AGXT: variants seen among roughly 807,000 people sequenced by gnomAD.
AGXT encodes the protein alanine--glyoxylate aminotransferase, also known as L-alanine: glyoxylate aminotransferase 1.
In AGXT, 41 loss-of-function variants were observed where a neutral mutation model predicts 46.9. The ratio of observed to expected loss-of-function variants is 0.88; its 90% CI spans 0.68 to 1.14. AGXT has a LOEUF of 1.14. Ranked by LOEUF, AGXT falls within the 50% of genes most tolerant of loss-of-function variation. The pLI is 0.00. For missense variants in AGXT, 525 were observed against 522.7 expected, an observed-to-expected ratio of 1.00 and a Z score of -0.04; for synonymous variants, 244 against 227.9, an observed-to-expected ratio of 1.07 and a Z score of -0.64.
intron 4 of AGXT, among the ~76,000 whole-genome samples, chr2:240,872,328 A>T (rs1475519378): frequency 5.4e-3 from 251 of 46,694 alleles, no homozygotes; most frequent in African/African-American, 8.6e-3. Flanking sequence ...AACATGGAGG[A>T]GGAGGAGGGT....
At position 240,870,670 on chromosome 2, in the gene AGXT, G is replaced by C. The variant is rs180177212; in HGVS notation, c.385G>C (p.Asp129His). ...AGCCCGAGTGCACCCGATGACCAAG[G>C]ACCCTGGAGGCCACTACACACTGCA... ...IGARVHPMTK[D>H]PGGHYTLQEV... Residue 129 changes from aspartate (D) to histidine (H), a missense_variant, in exon 3 of 11, where the codon GAC becomes CAC. Asp to His is a moderately conservative substitution (Grantham distance 81). Coordinates refer to ENST00000307503, the MANE Select transcript of AGXT (RefSeq NM_000030.3). 171 of 1,555,546 alleles carry C rather than the reference G, an allele frequency of 1.1e-4. No homozygotes were observed. The highest frequency in any genetic ancestry group is 1.4e-4 in the Non-Finnish European group (161 of 1,149,454).
intron 8 of AGXT, chr2:240,876,989 C>T (rs941276751): frequency 1.2e-5 from 3 of 244,268 alleles, no homozygotes; most frequent in Admixed American, 9.5e-5. Context: ...GCTGCTGCTC[C>T]GGGGACCCAC....
At position 240,879,958 on chromosome 2, in the gene AGXT, C is replaced by T. The variant is rs776520945; in HGVS notation, c.*1137C>T. 1.3e-5 allele frequency: 2 copies of T among 151,510 alleles called. No individual in the cohort carries two copies. The highest frequency in any genetic ancestry group is 1.9e-4 in the East Asian group (1 of 5,178). 9.4% of individuals were successfully genotyped at this position (151,510 alleles called of 1,614,324 possible). A position where few individuals can be genotyped will look rare whatever the true frequency, so the allele number is the denominator to read the frequency against. ...GCCGTCCCGTCATATGGACGTGCGT[C>T]GTGGGCGCCGGTGTGTCTTGTTGCT... On this transcript the variant is annotated 3_prime_UTR_variant, in exon 11 of 11. Transcript: ENST00000307503.
intron 9 of AGXT, 121 bp from the exon 10 acceptor site, chr2:240,877,901 G>C (rs896284890): frequency 2.1e-6 from 3 of 1,410,890 alleles, no homozygotes; most frequent in African/African-American, 2.8e-5. Context: ...GCTCTCTCCC[G>C]GCCCTTTCTC....
At chr2:240,878,607 G>A (rs2106432325) in intron 10 of AGXT, 107 bp from the exon 11 acceptor site, 1 of 1,037,866 alleles carries the variant, frequency 9.6e-7, no homozygotes, top group African/African-American at 1.6e-5. Context: ...GACGCTGGGT[G>A]GGTGGTCCTC....
intron 2 of AGXT, 110 bp from the exon 3 acceptor site, chr2:240,870,534 T>C: frequency 1.6e-6 from 2 of 1,286,798 alleles, no homozygotes; most frequent in Non-Finnish European, 2.2e-6. Flanking sequence ...GGTGCCACGG[T>C]GGGTGGGGTC....
intron 2 of AGXT, among the ~76,000 whole-genome samples, chr2:240,870,030 G>A (rs1158586686): frequency 6.6e-6 from 1 of 152,198 alleles, no homozygotes; most frequent in Non-Finnish European, 1.5e-5. Context: ...AGGACCCCAA[G>A]TGGACATCAG....
intron 8 of AGXT, chr2:240,877,082 A>G: frequency 3.2e-6 from 1 of 316,382 alleles, no homozygotes; most frequent in Non-Finnish European, 6.4e-6. Flanking sequence ...CCAGGGCTGG[A>G]GAGACCACCC....
At position 240,878,815 on chromosome 2, in the gene AGXT, GCTGTGAC is replaced by G; in HGVS notation, c.1177_*4del. On this transcript the variant is annotated stop_lost and 3_prime_UTR_variant, in exon 11 of 11. Transcript: ENST00000307503. ...CCCTGCAGCACTGCCCCAAGAAGAA[GCTGTGAC>G]CTGCCCACTGGCACACAGCTGGCAC... The G allele has an allele frequency of 6.3e-7, 1 of 1,589,584 alleles. No individual in the cohort carries two copies. Among genetic ancestry groups the G allele is most frequent in the Non-Finnish European group, 8.5e-7 (1 of 1,171,000 alleles).
At chr2:240,869,503 CA>C (rs1331018537) in intron 2 of AGXT, 141 bp downstream of exon 2, 2 of 1,006,974 alleles carry the variant, frequency 2.0e-6, no homozygotes, top group African/African-American at 3.3e-5. Context: ...AACCTCCTGC[CA>C]GCCCACTGCC....
In AGXT at chr2:240,868,977, A is replaced by G; in HGVS notation, c.112A>G (p.Met38Val). ...TCCTTCCAACCTGCCTCCTCGCATC[A>G]TGGCAGCCGGGGGGCTGCAGATGAT... The part of the protein sequence containing the change: ...PGPSNLPPRI[M>V]AAGGLQMIGS... The change falls in exon 1 of 11, where the codon ATG becomes GTG. Residue 38 changes from methionine (M) to valine (V), a missense_variant. By Grantham distance (21) the Met-to-Val change is conservative (BLOSUM62 1). Transcript: ENST00000307503. The G allele has an allele frequency of 1.3e-6, 2 of 1,562,192 alleles. No homozygotes were observed.
Position 240,872,190 on chromosome 2 carries a change from G to A in AGXT, c.524+741G>A, listed in dbSNP as rs566788097. Among the ~76,000 whole-genome samples, 15 of 151,798 alleles carry A rather than the reference G, an allele frequency of 9.9e-5. No individual in the cohort carries two copies. In the East Asian group the frequency reaches 1.4e-3, roughly 14 times the overall value. ...TGGAGGCGGAGGAGGGTGAGAGTTC[G>A]TGAACATGCAGGCGGAGGAGGGTGA... On this transcript the variant is annotated intron_variant, in intron 4 of 10. Coordinates refer to ENST00000307503, the MANE Select transcript of AGXT (RefSeq NM_000030.3).
Position 240,878,897 on chromosome 2 carries a change from C to T in AGXT, c.*76C>T. ...CCCTGAGGGATCAGGAGCAAACAGA[C>T]CCTGCAAGGTCCTCCAGGCCTGGGG... is the stretch of plus-strand genomic sequence containing the variant. On this transcript the variant is annotated 3_prime_UTR_variant, in exon 11 of 11. Transcript: ENST00000307503. 2 of 1,409,160 alleles carry T rather than the reference C, an allele frequency of 1.4e-6. No homozygotes were observed. The highest frequency in any genetic ancestry group is 9.7e-7 in the Non-Finnish European group (1 of 1,026,110). 87.3% of individuals were successfully genotyped at this position (1,409,160 alleles called of 1,614,324 possible).
Position 240,878,858 on chromosome 2 carries a change from C to CT in AGXT, c.*38dup, listed in dbSNP as rs763302725. ...GCACACAGCTGGCACTGGCACACAC[C>CT]TGTCCCATGCCCACCCTGAGGGATC... On this transcript the variant is annotated 3_prime_UTR_variant, in exon 11 of 11. Coordinates refer to ENST00000307503, the MANE Select transcript of AGXT (RefSeq NM_000030.3). 1 of 1,534,582 alleles carries CT rather than the reference C, an allele frequency of 6.5e-7. No individual in the cohort carries two copies. Among genetic ancestry groups the CT allele is most frequent in the Non-Finnish European group, 8.8e-7 (1 of 1,132,262 alleles).
chr2:240,875,293 C>T lies in AGXT; in HGVS notation c.776+89C>T, dbSNP rs550936551. 8.7e-6 allele frequency: 10 copies of T among 1,147,372 alleles called. No individual in the cohort carries two copies. In the South Asian group the frequency reaches 1.2e-4, roughly 14 times the overall value. 71.1% of individuals were successfully genotyped at this position (1,147,372 alleles called of 1,614,324 possible). A position where few individuals can be genotyped will look rare whatever the true frequency, so the allele number is the denominator to read the frequency against. ...CCTCTCACTGCACTCAGGGATTCTCCAAGCCCCCCACCTTCATGCCTCAAG... is the reference window on the plus strand; with the variant it reads ...CCTCTCACTGCACTCAGGGATTCTCTAAGCCCCCCACCTTCATGCCTCAAG... On this transcript the variant is annotated intron_variant, in intron 7 of 10. Coordinates refer to ENST00000307503, the MANE Select transcript of AGXT (RefSeq NM_000030.3).
At position 240,869,252 on chromosome 2, in the gene AGXT, A is replaced by G. The variant is rs180177186; in HGVS notation, c.248A>G (p.His83Arg). 6.2e-7 allele frequency: 1 copy of G among 1,613,856 alleles called. No individual in the cohort carries two copies. The highest frequency in any genetic ancestry group is 8.5e-7 in the Non-Finnish European group (1 of 1,180,018). The change falls in exon 2 of 11, where the codon CAC becomes CGC. Residue 83 changes from histidine (H) to arginine (R), a missense_variant. His to Arg is a conservative substitution (Grantham distance 29). Transcript: ENST00000307503. ...PLTLVISGSG[H>R]CALEAALVNV... ...ACACTGGTCATCTCTGGCTCGGGAC[A>G]CTGTGCCCTGGAGGCCGCCCTGGTC...
intron 6 of AGXT, 106 bp downstream of exon 6, chr2:240,874,168 C>T (rs1007481040): frequency 8.9e-7 from 1 of 1,117,786 alleles, no homozygotes; most frequent in South Asian, 1.3e-5. Flanking sequence ...GCTCCCCATG[C>T]TCCTCCAGCA....
At chr2:240,878,203 C>A (rs1182539767) in intron 10 of AGXT, 53 bp downstream of exon 10, 1 of 1,606,074 alleles carries the variant, frequency 6.2e-7, no homozygotes, top group Non-Finnish European at 8.5e-7. Flanking sequence ...CGCCACCCCT[C>A]CTTGAGCAGG....
chr2:240,869,219 AC>A lies in AGXT; in HGVS notation c.218del (p.Pro73HisfsTer47), dbSNP rs2058978164. ...ATCCAGTACGTGTTCCAGACCAGGA[AC>A]CCACTCACACTGGTCATCTCTGGCT... is the stretch of plus-strand genomic sequence containing the variant. ...EGIQYVFQTRNPLTLVISGSG... is the reference protein window; with the variant it reads ...EGIQYVFQTRXPLTLVISGSG... On this transcript the variant is annotated frameshift_variant, in exon 2 of 11. Coordinates refer to ENST00000307503, the MANE Select transcript of AGXT (RefSeq NM_000030.3). LOFTEE classifies it high-confidence loss of function. 6.3e-7 allele frequency: 1 copy of A among 1,576,384 alleles called. No homozygotes were observed.
Sources: gnomAD v4.1 joint callset for allele counts (sites outside exome capture counted in the v4.1 genomes callset) on GRCh38, gnomAD v4.1.1 for gene constraint, MANE v1.5 for transcripts, NCBI Gene and HGNC (gene_info 2026-07-23, HGNC 2026-07-21) for gene names.